UBAP2L: variants seen among roughly 807,000 people sequenced by gnomAD.
UBAP2L encodes the protein ubiquitin-associated protein 2-like.
A neutral mutation model predicts 130.6 loss-of-function variants in UBAP2L; 12 were observed. The ratio of observed to expected loss-of-function variants is 0.09; its 90% CI spans 0.06 to 0.15. UBAP2L has a LOEUF of 0.15. UBAP2L is among the 10% of genes least tolerant of loss of function. UBAP2L has a pLI of 1.00. For missense variants in UBAP2L, 965 were observed against 1,332.5 expected (o/e 0.72, Z 4.29); for synonymous variants, 503 against 524.7 (o/e 0.96, Z 0.57).
At chr1:154,255,873 T>C (rs1449802549) in intron 18 of UBAP2L, 118 bp downstream of exon 18, 1 of 1,261,074 alleles carries the variant, frequency 7.9e-7, no homozygotes, top group Non-Finnish European at 1.1e-6. Flanking sequence ...AATAATTGAT[T>C]TGAGGTTGCA....
rs757546558 is a variant in UBAP2L, at chr1:154,266,575, G to C, written c.2970+7G>C. ...TGTGTACTCCAAAACCCAGGTAGGT[G>C]CCTGGCTCTGGATAAAAGTGGAAAA... On this transcript the variant is annotated splice_region_variant and intron_variant, in intron 25 of 26. Coordinates refer to ENST00000428931, the MANE Select transcript of UBAP2L (RefSeq NM_014847.4). 6.2e-7 allele frequency: 1 copy of C among 1,613,944 alleles called. No homozygotes were observed. The highest frequency in any genetic ancestry group is 8.5e-7 in the Non-Finnish European group (1 of 1,179,860).
intron 2 of UBAP2L, among the ~76,000 whole-genome samples, chr1:154,225,924 C>A (rs945688169): frequency 2.0e-5 from 3 of 152,236 alleles, no homozygotes; most frequent in African/African-American, 7.2e-5. Flanking sequence ...AGCAATTCTC[C>A]TGCCTCAGCT....
rs766183968 is a variant in UBAP2L, at chr1:154,251,286, C to G, written c.1459C>G (p.Gln487Glu). Residue 487 changes from glutamine to glutamate, a missense_variant, in exon 13 of 27, where the codon CAG (glutamine) becomes GAG (glutamate). By Grantham distance (29) the Gln-to-Glu change is conservative. Coordinates refer to ENST00000428931, the MANE Select transcript of UBAP2L (RefSeq NM_014847.4). ...SPQPAQQKLK[Q>E]QKKKASLTSK... ...TCAGCCGGCTCAGCAGAAACTGAAA[C>G]AGCAGAAGAAAAAAGCCTCCTTGAC... 1 of 1,613,146 alleles carries G rather than the reference C, an allele frequency of 6.2e-7. No individual in the cohort carries two copies. The highest frequency in any genetic ancestry group is 1.1e-5 in the South Asian group (1 of 90,938).
chr1:154,220,674 A>G, upstream of UBAP2L: 1 of 530,642 alleles, frequency 1.9e-6, no homozygotes, highest in Non-Finnish European at 3.4e-6. Flanking sequence ...ACGCGGAACT[A>G]CGACAGTAAG....
At position 154,255,760 on chromosome 1, in the gene UBAP2L, G is replaced by C. The variant is rs374541364; in HGVS notation, c.2157+5G>C. 1.9e-6 allele frequency: 3 copies of C among 1,613,884 alleles called. No individual in the cohort carries two copies. The African/African-American group carries it at 4.0e-5, about 22-fold the overall frequency. The stretch of plus-strand genomic sequence containing the variant: ...ACTTCGACATCCACTCTTTTGGTAA[G>C]TGTGATGCTGAGAGGGATGTGTGGT... On this transcript the variant is annotated splice_donor_5th_base_variant and intron_variant, in intron 18 of 26. Transcript: ENST00000428931.
chr1:154,253,745 A>G (rs188503811), intron 14 of UBAP2L, among the ~76,000 whole-genome samples, 155 bp from the exon 15 acceptor site: 2 of 152,314 alleles, frequency 1.3e-5, no homozygotes, highest in African/African-American at 4.8e-5. Flanking sequence ...TAGTGTTATC[A>G]GGAGGAAATT....
intron 20 of UBAP2L, chr1:154,258,722 C>T (rs1419001291): frequency 3.9e-5 from 15 of 381,224 alleles, no homozygotes; most frequent in Non-Finnish European, 6.8e-5. Flanking sequence ...TGTGTCTACT[C>T]TATTGGTATC....
chr1:154,226,604 T>C (rs189085991), intron 2 of UBAP2L, among the ~76,000 whole-genome samples: 1 of 152,326 alleles, frequency 6.6e-6, no homozygotes, highest in East Asian at 1.9e-4. Flanking sequence ...TTGTCAGACT[T>C]GTATTCTAAG....
chr1:154,220,453 C>G (rs367742696), upstream of UBAP2L: 13 of 1,611,546 alleles, frequency 8.1e-6, no homozygotes, highest in African/African-American at 1.7e-4. Flanking sequence ...CCCCGCTGTC[C>G]TGGCTGGTCA....
intron 24 of UBAP2L, among the ~76,000 whole-genome samples, chr1:154,265,862 C>T (rs1683088072): frequency 6.6e-6 from 1 of 152,182 alleles, no homozygotes; most frequent in Admixed American, 6.5e-5. Flanking sequence ...CACCCCGCTA[C>T]ACTTAGGCTT....
In UBAP2L at chr1:154,257,223, C is replaced by A; in HGVS notation, c.2318C>A (p.Thr773Lys). Reference sequence around the variant, plus strand: ...AGCCTAGGCAGCAACTCCACTGTCACAGCCTCGACTCGAAGCTCAGTTGCT... The same window carrying A: ...AGCCTAGGCAGCAACTCCACTGTCAAAGCCTCGACTCGAAGCTCAGTTGCT... ...GLSLGSNSTV[T>K]ASTRSSVATT... Residue 773 changes from threonine to lysine, a missense_variant, in exon 19 of 27, where the codon ACA becomes AAA. Physicochemically the swap from Thr to Lys is moderately conservative, Grantham distance 78. This residue lies in a region of UBAP2L where 393 missense variants were observed against 408.1 expected (regional missense o/e 0.96). Coordinates refer to ENST00000428931, the MANE Select transcript of UBAP2L (RefSeq NM_014847.4). The A allele has an allele frequency of 6.2e-7, 1 of 1,614,236 alleles. No homozygotes were observed. The highest frequency in any genetic ancestry group is 8.5e-7 in the Non-Finnish European group (1 of 1,180,038).
rs149473034 is a variant in UBAP2L, at chr1:154,255,099, A to G, written c.1910-53A>G. Reference sequence around the variant, plus strand: ...TGCCTTGGACTGTGGTCACCTCTCTATAGACATTCCCTTTTTTCTGATGAG... The same window carrying G: ...TGCCTTGGACTGTGGTCACCTCTCTGTAGACATTCCCTTTTTTCTGATGAG... On this transcript the variant is annotated intron_variant, in intron 16 of 26. Coordinates refer to ENST00000428931, the MANE Select transcript of UBAP2L (RefSeq NM_014847.4). 45 of 1,593,844 alleles carry G rather than the reference A, an allele frequency of 2.8e-5. No homozygotes were observed. The African/African-American group carries it at 3.4e-4, about 12-fold the overall frequency.
At position 154,246,318 on chromosome 1, in the gene UBAP2L, G is replaced by A. The variant is rs754007040; in HGVS notation, c.957G>A (p.Ser319=). Residue 319 remains serine (S), a synonymous_variant, in exon 11 of 27, where the codon TCG becomes TCA. Coordinates refer to ENST00000428931, the MANE Select transcript of UBAP2L (RefSeq NM_014847.4). The part of the protein sequence containing the change: ...SLAQPLVFSN[S]KQTAISQPAS... ...CCCAGCCTCTGGTGTTCAGTAATTC[G>A]AAGCAGACTGCCATATCACAGCCTG... The A allele has an allele frequency of 1.9e-6, 3 of 1,613,630 alleles. No homozygotes were observed. The highest frequency in any genetic ancestry group is 1.3e-5 in the African/African-American group (1 of 75,026).
At chr1:154,237,346 T>C (rs1571707908) in intron 8 of UBAP2L, among the ~76,000 whole-genome samples, 1 of 152,334 alleles carries the variant, frequency 6.6e-6, no homozygotes, top group South Asian at 2.1e-4. Context: ...CTGCTTGATA[T>C]TGTATGAAAT....
rs1217210445 is a variant in UBAP2L, at chr1:154,237,051, G to A, written c.618G>A (p.Glu206=). 1.9e-6 allele frequency: 3 copies of A among 1,614,010 alleles called. No individual in the cohort carries two copies. The highest frequency in any genetic ancestry group is 1.7e-5 in the Admixed American group (1 of 59,990). Residue 206 remains glutamate (E), a synonymous_variant, in exon 8 of 27, where the codon GAG becomes GAA. Transcript: ENST00000428931. ...MGTFNPADYA[E]PANTDDNYGN... is the part of the protein sequence containing the mutation. ...CCTTTAACCCAGCTGATTATGCAGA[G>A]CCAGCCAATACTGATGATAACTATG...
Position 154,254,055 on chromosome 1 carries a change from C to T in UBAP2L, c.1820C>T (p.Ser607Phe). The T allele has an allele frequency of 6.3e-7, 1 of 1,595,786 alleles. No individual in the cohort carries two copies. The part of the protein sequence containing the change: ...TQTRRYPSSI[S>F]SSPQKDLTQA... ...ACTCGGCGGTACCCCAGCTCCATCT[C>T]TTCATCACCCCAAAAGGACCTGACT... The change falls in exon 15 of 27, where the codon TCT (serine) becomes TTT (phenylalanine). Residue 607 changes from serine (S) to phenylalanine (F), a missense_variant. By Grantham distance (155) the Ser-to-Phe change is radical (BLOSUM62 -2). This residue lies in a region of UBAP2L where 393 missense variants were observed against 408.1 expected (regional missense o/e 0.96). Coordinates refer to ENST00000428931, the MANE Select transcript of UBAP2L (RefSeq NM_014847.4).
intron 20 of UBAP2L, 149 bp downstream of exon 20, chr1:154,257,583 T>G: frequency 1.3e-6 from 1 of 769,298 alleles, no homozygotes; most frequent in Non-Finnish European, 2.1e-6. Flanking sequence ...TGTATATGAG[T>G]TTTGCATTCT....
intron 4 of UBAP2L, among the ~76,000 whole-genome samples, chr1:154,231,424 C>G (rs1669805586): frequency 6.6e-6 from 1 of 151,700 alleles, no homozygotes; most frequent in South Asian, 2.1e-4. Flanking sequence ...CCTCAGCCTC[C>G]CAAGCAGCTA....
intron 4 of UBAP2L, among the ~76,000 whole-genome samples, chr1:154,232,191 G>A (rs1458337302): frequency 1.3e-5 from 2 of 152,238 alleles, no homozygotes; most frequent in East Asian, 3.9e-4. Flanking sequence ...GCTGGGCCTG[G>A]TGGTGCCCTG....
Sources: allele counts gnomAD v4.1 joint callset (sites outside exome capture counted in the v4.1 genomes callset), GRCh38; gene constraint gnomAD v4.1.1; regional missense constraint gnomAD v4.1.1; transcripts MANE v1.5; gene names NCBI Gene and HGNC (gene_info 2026-07-23, HGNC 2026-07-21).